TMTC1: variants seen among roughly 807,000 people sequenced by gnomAD.
TMTC1 encodes the protein protein O-mannosyl-transferase TMTC1.
In TMTC1, 73 loss-of-function variants were observed where a neutral mutation model predicts 104.8. That is an observed-to-expected ratio of 0.70 (90% confidence interval 0.58 to 0.85). TMTC1 has a LOEUF of 0.85. TMTC1 is among the 40% of genes least tolerant of loss of function. The probability of loss-of-function intolerance (pLI) is 0.00; values close to 1 mark genes in which losing one functional copy is unlikely to be tolerated. For missense variants in TMTC1, 1,035 were observed against 1,096.1 expected, an observed-to-expected ratio of 0.94 and a Z score of 0.79; for synonymous variants, 434 against 428.7, an observed-to-expected ratio of 1.01 and a Z score of -0.15.
chr12:29,695,422 T>C (rs1305186533), intron 5 of TMTC1, among the ~76,000 whole-genome samples: 1 of 152,112 alleles, frequency 6.6e-6, no homozygotes, highest in Admixed American at 6.6e-5. Context: ...TTCTCCTGCC[T>C]CAGACTCCTG....
chr12:29,598,242 A>G (rs1026057099), intron 7 of TMTC1, among the ~76,000 whole-genome samples: 9 of 152,322 alleles, frequency 5.9e-5, no homozygotes, highest in Non-Finnish European at 8.8e-5. Flanking sequence ...TCTTCTAGCA[A>G]CTCCAAAGAA....
chr12:29,753,340 C>T lies in TMTC1; in HGVS notation c.732-1468G>A, dbSNP rs115502521. Among the ~76,000 whole-genome samples, 903 of 152,278 alleles carry T rather than the reference C, an allele frequency of 5.9e-3. 9 individuals carry two copies. The highest frequency in any genetic ancestry group is 0.021 in the African/African-American group (852 of 41,550). Reference sequence around the variant, plus strand: ...CAGAACCTTTGAGCTGTGTAACTGTCATGGTGCCTGAGCAGCAGACGTCCT... The same window carrying T: ...CAGAACCTTTGAGCTGTGTAACTGTTATGGTGCCTGAGCAGCAGACGTCCT... On this transcript the variant is annotated intron_variant, in intron 4 of 17. Transcript: ENST00000539277.
At chr12:29,583,662 T>A (rs1212181572) in intron 7 of TMTC1, 88 bp from the exon 8 acceptor site, 2 of 1,255,568 alleles carry the variant, frequency 1.6e-6, no homozygotes, top group African/African-American at 3.0e-5. Context: ...AACTTTCAAA[T>A]GAAGCTTGTC....
At chr12:29,668,675 G>A (rs913194692) in intron 5 of TMTC1, among the ~76,000 whole-genome samples, 1 of 151,978 alleles carries the variant, frequency 6.6e-6, no homozygotes, top group Admixed American at 6.6e-5. Flanking sequence ...TGGCCAGGCT[G>A]GTCTTGAACT....
At chr12:29,611,044 C>T (rs1356990282) in intron 6 of TMTC1, among the ~76,000 whole-genome samples, 2 of 152,216 alleles carry the variant, frequency 1.3e-5, no homozygotes, top group African/African-American at 4.8e-5. Context: ...TTAAACATTG[C>T]TTTTTCCCAT....
At chr12:29,546,159 A>G (rs1428238045) in intron 10 of TMTC1, among the ~76,000 whole-genome samples, 1 of 152,184 alleles carries the variant, frequency 6.6e-6, no homozygotes, top group East Asian at 1.9e-4. Context: ...TCCTCACGTG[A>G]TTCTCAGTCT....
chr12:29,643,585 TATAA>T (rs1641704933), intron 5 of TMTC1, among the ~76,000 whole-genome samples: 1 of 73,346 alleles, frequency 1.4e-5, no homozygotes, highest in South Asian at 3.5e-4. Context: ...ATATGTCATA[TATAA>T]ATATATATTA....
intron 10 of TMTC1, among the ~76,000 whole-genome samples, chr12:29,543,039 T>A (rs1944845614): frequency 6.6e-6 from 1 of 152,138 alleles, no homozygotes; most frequent in African/African-American, 2.4e-5. Flanking sequence ...GGCTAAAAAA[T>A]TCCCGAGAAT....
chr12:29,752,373 T>C (rs1943113158), intron 4 of TMTC1, among the ~76,000 whole-genome samples: 1 of 152,214 alleles, frequency 6.6e-6, no homozygotes, highest in Non-Finnish European at 1.5e-5. Flanking sequence ...TTTAAACATC[T>C]GATACTACCA....
chr12:29,643,530 T>A (rs867053862), intron 5 of TMTC1, among the ~76,000 whole-genome samples: 1 of 48,294 alleles, frequency 2.1e-5, no homozygotes, highest in Non-Finnish European at 3.8e-5. Flanking sequence ...TAATATAAAA[T>A]ATATAATATA....
chr12:29,553,179 T>G (rs1945151643), intron 10 of TMTC1, among the ~76,000 whole-genome samples: 2 of 152,152 alleles, frequency 1.3e-5, no homozygotes, highest in Non-Finnish European at 1.5e-5. Flanking sequence ...TAATGGAAAG[T>G]GAACAGGAAA....
chr12:29,660,077 G>T lies in TMTC1; in HGVS notation c.939-26741C>A, dbSNP rs1272115089. On this transcript the variant is annotated intron_variant, in intron 5 of 17. Coordinates refer to ENST00000539277, the MANE Select transcript of TMTC1 (RefSeq NM_001193451.2). ...GTTCCTCTAACAGGGAATGAAGTCA[G>T]TCACCCCTTCCCTTAAATCTGAGTT... 5.3e-6 allele frequency: 5 copies of T among 949,926 alleles called. No homozygotes were observed. In the Admixed American group the frequency reaches 9.1e-5, roughly 17 times the overall value. 58.8% of individuals were successfully genotyped at this position (949,926 alleles called of 1,614,324 possible).
intron 11 of TMTC1, among the ~76,000 whole-genome samples, chr12:29,522,552 CAATGTGTG>C (rs1422177998): frequency 9.8e-6 from 1 of 102,310 alleles, no homozygotes; most frequent in Non-Finnish European, 2.1e-5. Context: ...GAAGGACTGA[CAATGTGTG>C]TGTGTGTGTG....
chr12:29,733,466 A>T (rs901607558), intron 5 of TMTC1, among the ~76,000 whole-genome samples: 1 of 152,198 alleles, frequency 6.6e-6, no homozygotes, highest in African/African-American at 2.4e-5. Context: ...AACATCCTCT[A>T]AAAAGTTGTT....
At chr12:29,576,004 G>T (rs962173492) in intron 8 of TMTC1, among the ~76,000 whole-genome samples, 1 of 152,134 alleles carries the variant, frequency 6.6e-6, no homozygotes, top group Non-Finnish European at 1.5e-5. Flanking sequence ...TAGTGATGCT[G>T]AGCACCTTTT....
At chr12:29,747,007 C>T (rs1942971221) in intron 5 of TMTC1, among the ~76,000 whole-genome samples, 1 of 151,972 alleles carries the variant, frequency 6.6e-6, no homozygotes, top group Admixed American at 6.6e-5. Context: ...CATAATATAC[C>T]CTGAAGGGTA....
At chr12:29,725,604 T>C (rs1942367754) in intron 5 of TMTC1, among the ~76,000 whole-genome samples, 1 of 152,222 alleles carries the variant, frequency 6.6e-6, no homozygotes. Flanking sequence ...TTATAAAACA[T>C]GGCACCCAGA....
rs1162891082 is a variant in TMTC1, at chr12:29,512,044, T to C, written c.2507A>G (p.Lys836Arg). 1 of 1,614,060 alleles carries C rather than the reference T, an allele frequency of 6.2e-7. No individual in the cohort carries two copies. Among genetic ancestry groups the C allele is most frequent in the Admixed American group, 1.7e-5 (1 of 60,012 alleles). ...CATGGGAGTGAATTATTCTCCTACC[T>C]TGATGTGTTGGATGCCACCCATGTT... ...WMNMGGIQHI[K>R]GKYVSARAYY... Residue 836 changes from lysine (K) to arginine (R), a missense_variant and splice_region_variant, in exon 17 of 18, where the codon AAG (lysine) becomes AGG (arginine). Lys to Arg is a conservative substitution (Grantham distance 26). Coordinates refer to ENST00000539277, the MANE Select transcript of TMTC1 (RefSeq NM_001193451.2).
intron 8 of TMTC1, among the ~76,000 whole-genome samples, chr12:29,582,897 T>C (rs547391242): frequency 6.6e-6 from 1 of 152,330 alleles, no homozygotes; most frequent in African/African-American, 2.4e-5. Context: ...GGCTGCGGCA[T>C]TTAGTGAGGC....
Sources: gnomAD v4.1 joint callset for allele counts (sites outside exome capture counted in the v4.1 genomes callset) on GRCh38, gnomAD v4.1.1 for gene constraint, MANE v1.5 for transcripts, NCBI Gene and HGNC (gene_info 2026-07-23, HGNC 2026-07-21) for gene names.